The following CFAP20DC variants were observed in gnomAD, a reference collection of about 807,000 sequenced individuals.
CFAP20DC encodes the protein CFAP20 domain containing, also known as protein CFAP20DC.
In CFAP20DC, 84 loss-of-function variants were observed where a neutral mutation model predicts 101.7. That is an observed-to-expected ratio of 0.83 (90% CI 0.69 to 0.99). CFAP20DC has a LOEUF of 0.99. CFAP20DC is among the 50% of genes least tolerant of loss of function. The probability of loss-of-function intolerance (pLI) is 0.00; values close to 1 mark genes in which losing one functional copy is unlikely to be tolerated. For synonymous variants in CFAP20DC, 359 were observed against 351.2 expected, an observed-to-expected ratio of 1.02 and a Z score of -0.25; for missense variants, 1,007 against 970.3, an observed-to-expected ratio of 1.04 and a Z score of -0.50.
At chr3:58,808,211 G>A (rs1208752254) in intron 14 of CFAP20DC, among the ~76,000 whole-genome samples, 1 of 152,092 alleles carries the variant, frequency 6.6e-6, no homozygotes, top group Admixed American at 6.5e-5. Context: ...GAAATACAGA[G>A]AACGCCACAA....
chr3:58,763,336 C>T (rs1385801976), intron 15 of CFAP20DC, among the ~76,000 whole-genome samples: 6 of 152,210 alleles, frequency 3.9e-5, no homozygotes, highest in African/African-American at 1.4e-4. Flanking sequence ...GAATCGGCTA[C>T]TGAGGCTTGT....
chr3:58,936,502 T>C (rs570249888), intron 5 of CFAP20DC, among the ~76,000 whole-genome samples: 1 of 152,206 alleles, frequency 6.6e-6, no homozygotes, highest in African/African-American at 2.4e-5. Context: ...CTATTCACAA[T>C]AGCAAAGACT....
intron 14 of CFAP20DC, among the ~76,000 whole-genome samples, chr3:58,831,012 T>C (rs1466473513): frequency 6.6e-6 from 1 of 152,196 alleles, no homozygotes; most frequent in Non-Finnish European, 1.5e-5. Flanking sequence ...TGGGCTCTGC[T>C]CTGGGCTCCA....
intron 3 of CFAP20DC, among the ~76,000 whole-genome samples, chr3:58,734,850 C>T (rs921310010): frequency 3.9e-5 from 6 of 152,148 alleles, no homozygotes; most frequent in African/African-American, 1.4e-4. Context: ...AGGCTTACAA[C>T]TTTGAGGGGA....
At position 58,861,350 on chromosome 3, in the gene CFAP20DC, A is replaced by T; in HGVS notation, c.1593+2208T>A. ...ATGTTTTCCTGAAGTATAATTATAC[A>T]AAGATAAGGATGTAACATTCTAAAA... On this transcript the variant is annotated intron_variant, in intron 12 of 16. Coordinates refer to ENST00000482387, the MANE Select transcript of CFAP20DC (RefSeq NM_001394063.1). The surrounding 1 kb of genome is among the most constrained non-coding windows in gnomAD (Gnocchi z 4.0). 1.1e-5 allele frequency: 8 copies of T among 755,574 alleles called. No homozygotes were observed. Among genetic ancestry groups the T allele is most frequent in the Non-Finnish European group, 1.3e-5 (8 of 620,484 alleles). The allele number at this position is 755,574 out of a possible 1,614,324, so 46.8% of individuals were successfully genotyped here.
At chr3:59,018,708 C>G (rs920553977) in intron 4 of CFAP20DC, 2 of 152,064 alleles carry the variant, frequency 1.3e-5, no homozygotes, top group African/African-American at 4.8e-5. Context: ...CAAGTGAAAA[C>G]TAAAGGTAGT....
intron 4 of CFAP20DC, among the ~76,000 whole-genome samples, chr3:59,000,715 T>C (rs1342390824): frequency 6.6e-6 from 1 of 152,116 alleles, no homozygotes; most frequent in African/African-American, 2.4e-5. Flanking sequence ...TTGGAGGGCA[T>C]ACAGGATGTG....
rs115837144 is a variant in CFAP20DC, at chr3:59,020,291, A to G, written c.278+19266T>C. Among the ~76,000 whole-genome samples, 482 of 152,124 alleles carry G rather than the reference A, an allele frequency of 3.2e-3. 4 individuals carry two copies. Among genetic ancestry groups the G allele is most frequent in the African/African-American group, 0.011 (464 of 41,534 alleles). ...AGAGTGTGGAGGGATCCTGATCCCA[A>G]AGAGTTGAGAATTCTGTTTGTTTTA... On this transcript the variant is annotated intron_variant, in intron 4 of 16. Transcript: ENST00000482387.
chr3:58,798,708 G>C (rs1005520256), intron 15 of CFAP20DC, among the ~76,000 whole-genome samples: 11 of 152,140 alleles, frequency 7.2e-5, no homozygotes, highest in South Asian at 2.1e-4. Flanking sequence ...CCAGTGATGT[G>C]GCAAACTTCA....
At chr3:58,811,287 T>C (rs964082713) in intron 14 of CFAP20DC, among the ~76,000 whole-genome samples, 19 of 152,226 alleles carry the variant, frequency 1.2e-4, no homozygotes, top group Non-Finnish European at 2.4e-4. Flanking sequence ...AGGCATCACG[T>C]TACCTGACTG....
At position 58,742,459 on chromosome 3, in the gene CFAP20DC, A is replaced by G. The variant is rs565608835; in HGVS notation, c.*1T>C. On this transcript the variant is annotated 3_prime_UTR_variant, in exon 17 of 17. Transcript: ENST00000482387. ...CCTGCTCTCTGCCCCGGAAGGAGGC[A>G]TTATACCAACTCATAGTATTTCCCT... 2 of 1,598,422 alleles carry G rather than the reference A, an allele frequency of 1.3e-6. No homozygotes were observed. Among genetic ancestry groups the G allele is most frequent in the African/African-American group, 2.7e-5 (2 of 74,434 alleles).
rs866290455 is a variant in CFAP20DC at position 58,903,304 on chromosome 3, C to T, written c.550+10404G>A. Reference sequence around the variant, plus strand: ...AGCTCTTATATTTAGGTCAAGGAAACATTTTTAGTTAATTTTTGTATACGA... The same window carrying T: ...AGCTCTTATATTTAGGTCAAGGAAATATTTTTAGTTAATTTTTGTATACGA... On this transcript the variant is annotated intron_variant, in intron 6 of 16. Transcript: ENST00000482387. Among the ~76,000 whole-genome samples, 8 of 152,056 alleles carry T rather than the reference C, an allele frequency of 5.3e-5. No homozygotes were observed. The South Asian group carries it at 1.0e-3, about 20-fold the overall frequency.
intron 15 of CFAP20DC, among the ~76,000 whole-genome samples, chr3:58,756,915 C>T (rs1382891563): frequency 6.6e-6 from 1 of 152,046 alleles, no homozygotes; most frequent in East Asian, 1.9e-4. Flanking sequence ...TTTACAGCAG[C>T]ATAATACGTT....
intron 4 of CFAP20DC, among the ~76,000 whole-genome samples, chr3:59,016,978 C>T (rs1337058780): frequency 6.6e-6 from 1 of 152,062 alleles, no homozygotes; most frequent in Non-Finnish European, 1.5e-5. Flanking sequence ...AGAAGAAAGG[C>T]ATCACAAACC....
At chr3:58,785,898 A>G (rs1484081645) in intron 15 of CFAP20DC, among the ~76,000 whole-genome samples, 1 of 152,126 alleles carries the variant, frequency 6.6e-6, no homozygotes, top group African/African-American at 2.4e-5. Context: ...AGAGATGGCC[A>G]CAGAGGAATC....
intron 14 of CFAP20DC, among the ~76,000 whole-genome samples, chr3:58,823,976 T>C: frequency 6.6e-6 from 1 of 152,178 alleles, no homozygotes. Flanking sequence ...GTTTATTTCC[T>C]GGGGTGACTT....
chr3:58,754,627 C>A (rs2068801217), intron 15 of CFAP20DC, among the ~76,000 whole-genome samples: 1 of 152,120 alleles, frequency 6.6e-6, no homozygotes, highest in African/African-American at 2.4e-5. Flanking sequence ...GCTATTAGTG[C>A]CCGTTATCAT....
At chr3:58,784,096 C>A (rs551569143) in intron 15 of CFAP20DC, among the ~76,000 whole-genome samples, 6 of 151,606 alleles carry the variant, frequency 4.0e-5, no homozygotes, top group African/African-American at 1.2e-4. Context: ...GGCTGAAGTG[C>A]GGCAGCAGTG....
At chr3:58,805,467 CTCTT>C (rs2073988415) in intron 15 of CFAP20DC, among the ~76,000 whole-genome samples, 1 of 152,186 alleles carries the variant, frequency 6.6e-6, no homozygotes, top group African/African-American at 2.4e-5. Flanking sequence ...TTCTCCCTAT[CTCTT>C]TCTGTCTTTT....
Sources: gnomAD v4.1 joint callset for allele counts (sites outside exome capture counted in the v4.1 genomes callset) on GRCh38, gnomAD v4.1.1 for gene constraint, Gnocchi (gnomAD v3.1) non-coding constraint, MANE v1.5 for transcripts, NCBI Gene and HGNC (gene_info 2026-07-23, HGNC 2026-07-21) for gene names.